Variants in PDZD9 observed in about 807,000 individuals in gnomAD.
The protein encoded by PDZD9 is PDZ domain containing 9.
In PDZD9, 13 loss-of-function variants were observed where a neutral mutation model predicts 16.3. That is an observed-to-expected ratio of 0.80 (90% CI 0.52 to 1.27). The LOEUF (loss-of-function observed/expected upper bound fraction) is 1.27, where lower values mean the gene tolerates loss of function less well. PDZD9 is among the 50% of genes most tolerant of loss of function. The pLI is 0.00. For missense variants in PDZD9, 288 were observed against 310.9 expected (o/e 0.93, Z 0.55); for synonymous variants, 120 against 111.0 (o/e 1.08, Z -0.51).
At chr16:21,958,887 A>G in the PDZD9 span, among the ~76,000 whole-genome samples, 1 of 152,218 alleles carries the variant, frequency 6.6e-6, no homozygotes, top group Non-Finnish European at 1.5e-5. Context: ...AGCAAGTCAT[A>G]GGAATTTTGT....
intron 2 of PDZD9, among the ~76,000 whole-genome samples, chr16:21,989,217 G>A (rs1173021174): frequency 1.3e-5 from 2 of 151,984 alleles, no homozygotes; most frequent in Non-Finnish European, 2.9e-5. Context: ...ACAGGCATGA[G>A]CCACCGTACC....
Position 21,988,697 on chromosome 16 carries a change from C to G in PDZD9, c.306G>C (p.Val102=), listed in dbSNP as rs753384850. The change falls in exon 3 of 4, where the codon GTG becomes GTC. Residue 102 remains valine, a synonymous_variant. Transcript: ENST00000424898. The stretch of plus-strand genomic sequence containing the variant: ...AATCTCGGTAAACCTTGATTTGTAG[C>G]ACTGTTCCAATAGTGATATGTTGCA... ...QLLQHITIGT[V]LQIKVYRDFI... The G allele has an allele frequency of 6.2e-7, 1 of 1,612,792 alleles. No homozygotes were observed. The highest frequency in any genetic ancestry group is 1.3e-5 in the African/African-American group (1 of 74,986).
the PDZD9 span, chr16:21,968,820 A>G: frequency 3.3e-6 from 2 of 610,678 alleles, no homozygotes; most frequent in African/African-American, 1.9e-5. Context: ...GCAATATATC[A>G]TAGGATTTTA....
chr16:21,969,513 C>T, the PDZD9 span, among the ~76,000 whole-genome samples: 1 of 152,154 alleles, frequency 6.6e-6, no homozygotes, highest in Non-Finnish European at 1.5e-5. Context: ...GCAAGGGCGA[C>T]AGAGTGAGAC....
At chr16:21,968,245 G>A in the PDZD9 span, among the ~76,000 whole-genome samples, 2 of 152,062 alleles carry the variant, frequency 1.3e-5, no homozygotes, top group African/African-American at 2.4e-5. Context: ...CAAATGATCC[G>A]CCAGCCTTGG....
At chr16:21,961,185 G>C in the PDZD9 span, 16 of 259,746 alleles carry the variant, frequency 6.2e-5, no homozygotes, top group Non-Finnish European at 1.2e-4. Flanking sequence ...GTCTCATTCT[G>C]CTGATAGGAG....
chr16:21,963,609 A>G, the PDZD9 span, among the ~76,000 whole-genome samples: 1 of 151,942 alleles, frequency 6.6e-6, no homozygotes, highest in African/African-American at 2.4e-5. Context: ...GACTACAGGC[A>G]CACACCACCG....
chr16:21,968,559 AC>A, the PDZD9 span: 1 of 1,406,962 alleles, frequency 7.1e-7, no homozygotes, highest in Non-Finnish European at 9.7e-7. Context: ...TCCAAACTGT[AC>A]TTTTATGTTT....
chr16:21,962,371 T>C, the PDZD9 span: 1 of 1,488,596 alleles, frequency 6.7e-7, no homozygotes, highest in African/African-American at 1.4e-5. Context: ...AGAAATTTTC[T>C]TTCCAAAGGA....
At chr16:21,985,964 T>C (rs1253219447) in intron 3 of PDZD9, among the ~76,000 whole-genome samples, 1 of 152,142 alleles carries the variant, frequency 6.6e-6, no homozygotes, top group Non-Finnish European at 1.5e-5. Flanking sequence ...CAAGTATTAG[T>C]AACTTTTTTT....
In PDZD9 at chr16:22,001,095, T is replaced by C; in HGVS notation, c.-48A>G. The stretch of plus-strand genomic sequence containing the variant: ...CGGGAGGGCCTCCCGGAGCAGAGGC[T>C]GGAGTCAGTCCCAATGCCAACAGTT... On this transcript the variant is annotated 5_prime_UTR_variant, in exon 1 of 4. Transcript: ENST00000424898. The C allele has an allele frequency of 6.7e-7, 1 of 1,485,418 alleles. No homozygotes were observed. Among genetic ancestry groups the C allele is most frequent in the Non-Finnish European group, 8.9e-7 (1 of 1,118,404 alleles). 92.0% of individuals were successfully genotyped at this position (1,485,418 alleles called of 1,614,324 possible).
the PDZD9 span, chr16:21,962,301 A>T: frequency 3.7e-6 from 3 of 816,028 alleles, no homozygotes; most frequent in Non-Finnish European, 5.6e-6. Flanking sequence ...AAAAATTTTG[A>T]ATTTTAGTTG....
At chr16:21,966,160 AT>A in the PDZD9 span, among the ~76,000 whole-genome samples, 90 of 132,378 alleles carry the variant, frequency 6.8e-4, no homozygotes, top group African/African-American at 8.7e-4. Context: ...CAAAAAAAAA[AT>A]ATATATATAT....
intron 2 of PDZD9, chr16:21,995,362 G>T: frequency 2.4e-6 from 1 of 418,538 alleles, no homozygotes; most frequent in Non-Finnish European, 4.7e-6. Flanking sequence ...CCCAGTTTCA[G>T]GTATTTCTTT....
At chr16:21,985,597 G>C (rs1433168180) in intron 3 of PDZD9, among the ~76,000 whole-genome samples, 1 of 152,150 alleles carries the variant, frequency 6.6e-6, no homozygotes, top group Admixed American at 6.5e-5. Flanking sequence ...CAGAATGAAT[G>C]CTCTGTCACC....
the PDZD9 span, among the ~76,000 whole-genome samples, chr16:21,964,967 T>G: frequency 2.0e-5 from 3 of 152,174 alleles, no homozygotes; most frequent in Non-Finnish European, 4.4e-5. Context: ...GAAGCTCCCA[T>G]TGGTCCCCTG....
At chr16:21,980,211 C>A, downstream of PDZD9, 1 of 245,484 alleles carries the variant, frequency 4.1e-6, no homozygotes. Flanking sequence ...ATCCAGATTG[C>A]ACAACCGGAT....
rs1316151411 is a variant in PDZD9, at chr16:21,996,356, C to T, written c.177G>A (p.Lys59=). The change falls in exon 2 of 4, where the codon AAG becomes AAA. Residue 59 remains lysine (K), a synonymous_variant. Coordinates refer to ENST00000424898, the MANE Select transcript of PDZD9 (RefSeq NM_001363519.1). ...PYLQITHLIR[K]GAAANDGKLQ... is the part of the protein sequence containing the mutation. ...GTTTCCCGTCGTTGGCTGCAGCCCC[C>T]TTCCTGATGAGGTGGGTGATCTGGA... is the stretch of plus-strand genomic sequence containing the variant. 4 of 1,536,048 alleles carry T rather than the reference C, an allele frequency of 2.6e-6. No individual in the cohort carries two copies. Among genetic ancestry groups the T allele is most frequent in the Admixed American group, 3.9e-5 (2 of 50,988 alleles).
chr16:21,973,044 A>G, the PDZD9 span, among the ~76,000 whole-genome samples: 4 of 152,202 alleles, frequency 2.6e-5, no homozygotes, highest in Non-Finnish European at 5.9e-5. Flanking sequence ...AGGATTCAGT[A>G]AGCTGAGATC....
Sources: gnomAD v4.1 joint callset for allele counts (sites outside exome capture counted in the v4.1 genomes callset) on GRCh38, gnomAD v4.1.1 for gene constraint, MANE v1.5 for transcripts, NCBI Gene and HGNC (gene_info 2026-07-23, HGNC 2026-07-21) for gene names.